The following FN1 variants were observed in gnomAD, a reference collection of about 807,000 sequenced individuals.
The protein encoded by FN1 is fibronectin 1.
A neutral mutation model predicts 297.3 loss-of-function variants in FN1; 106 were observed. That is an observed-to-expected ratio of 0.36 (90% confidence interval 0.30 to 0.42). FN1 has a LOEUF of 0.42. FN1 is among the 10% of genes least tolerant of loss of function. The probability of loss-of-function intolerance (pLI) is 1.00; values close to 1 mark genes in which losing one functional copy is unlikely to be tolerated. For synonymous variants in FN1, 1,149 were observed against 1,152.6 expected, an observed-to-expected ratio of 1.00 and a Z score of 0.06; for missense variants, 2,690 against 3,124.9, an observed-to-expected ratio of 0.86 and a Z score of 3.32.
At position 215,425,240 on chromosome 2, in the gene FN1, T is replaced by A. The variant is rs778467214; in HGVS notation, c.890A>T (p.Gln297Leu). The A allele has an allele frequency of 2.5e-6, 4 of 1,614,154 alleles. No individual in the cohort carries two copies. The highest frequency in any genetic ancestry group is 2.5e-6 in the Non-Finnish European group (3 of 1,180,026). The change falls in exon 7 of 46, where the codon CAG becomes CTG. Residue 297 changes from glutamine to leucine, a missense_variant. Transcript: ENST00000354785. ...TDVRAAVYQP[Q>L]PHPQPPPYGH... ...ATAGGGAGGAGGCTGGGGGTGAGGC[T>A]GCGGTTGGTAAACAGCTGCACGAAC... is the stretch of plus-strand genomic sequence containing the variant.
intron 20 of FN1, among the ~76,000 whole-genome samples, chr2:215,402,448 C>T (rs2061276243): frequency 6.6e-6 from 1 of 152,186 alleles, no homozygotes; most frequent in South Asian, 2.1e-4. Flanking sequence ...CCTAACTTTT[C>T]TCACATTTGC....
At position 215,407,114 on chromosome 2, in the gene FN1, T is replaced by C. The variant is rs2061875986; in HGVS notation, c.2713+13A>G. 1.9e-6 allele frequency: 3 copies of C among 1,606,996 alleles called. No homozygotes were observed. The East Asian group carries it at 6.7e-5, about 36-fold the overall frequency. ...ATAAGATAACATAGGAAGTGTCTTC[T>C]TAAAAAAGTTACCTGAGCGTGGGGT... On this transcript the variant is annotated intron_variant, in intron 18 of 45. Transcript: ENST00000354785.
chr2:215,421,099 AC>A, intron 10 of FN1: 1 of 366,994 alleles, frequency 2.7e-6, no homozygotes, highest in East Asian at 6.6e-5. Context: ...TTGAACAAAT[AC>A]ATGTCTTACT....
intron 12 of FN1, among the ~76,000 whole-genome samples, chr2:215,415,640 T>TC (rs1273683986): frequency 2.0e-5 from 3 of 152,150 alleles, no homozygotes; most frequent in African/African-American, 7.2e-5. Flanking sequence ...TTATTTTTTT[T>TC]CCAAAATCAG....
At chr2:215,421,234 A>AG (rs2064293037) in intron 10 of FN1, 1 of 242,184 alleles carries the variant, frequency 4.1e-6, no homozygotes, top group Admixed American at 5.2e-5. Context: ...TCTCTGGAAT[A>AG]GGGGGAAGGG....
Position 215,372,175 on chromosome 2 carries a change from G to T in FN1, c.6448C>A (p.Arg2150=). 6.2e-7 allele frequency: 1 copy of T among 1,614,192 alleles called. No homozygotes were observed. The highest frequency in any genetic ancestry group is 8.5e-7 in the Non-Finnish European group (1 of 1,180,032). ...QMIFEEHGFR[R]TTPPTTATPI... is the part of the protein sequence containing the mutation. ...GTGGCCGTTGTGGGCGGTGTGGTCC[G>T]CCTAAAACCATGTTCCTCAAAGATC... is the stretch of plus-strand genomic sequence containing the variant. The change falls in exon 40 of 46, where the codon CGG becomes AGG. Residue 2150 remains arginine (R), a synonymous_variant. Transcript: ENST00000354785.
At chr2:215,434,647 C>G in intron 2 of FN1, 49 bp downstream of exon 2, 1 of 1,608,388 alleles carries the variant, frequency 6.2e-7, no homozygotes. Context: ...TTAACAATTA[C>G]CACTTCATGT....
chr2:215,388,208 T>C lies in FN1; in HGVS notation c.4342+4A>G. ...TGGATAGTCATACTGCCAACACCACTCACCTGTTTTCTGTCTTCCTCTAAG... is the reference window on the plus strand; with the variant it reads ...TGGATAGTCATACTGCCAACACCACCCACCTGTTTTCTGTCTTCCTCTAAG... On this transcript the variant is annotated splice_donor_region_variant and intron_variant, in intron 27 of 45. Coordinates refer to ENST00000354785, the MANE Select transcript of FN1 (RefSeq NM_212482.4). The C allele has an allele frequency of 6.2e-7, 1 of 1,608,348 alleles. No homozygotes were observed. The highest frequency in any genetic ancestry group is 1.1e-5 in the South Asian group (1 of 90,956).
chr2:215,392,812 T>C (rs2059853858), intron 25 of FN1, 119 bp downstream of exon 25: 9 of 1,120,386 alleles, frequency 8.0e-6, no homozygotes, highest in Non-Finnish European at 1.2e-5. Flanking sequence ...CAATCCACCC[T>C]ATCTGAATCT....
At chr2:215,361,861 G>T (rs970681906) in intron 45 of FN1, 108 bp downstream of exon 45, 186 of 1,132,620 alleles carry the variant, frequency 1.6e-4, no homozygotes, top group Non-Finnish European at 1.9e-4. Flanking sequence ...TTTATGAGTT[G>T]TTTTTTTTTT....
chr2:215,378,195 C>A lies in FN1; in HGVS notation c.5690G>T (p.Gly1897Val), dbSNP rs140152934. Residue 1897 changes from glycine to valine, a missense_variant, in exon 35 of 46, where the codon GGA becomes GTA. Physicochemically the swap from Gly to Val is moderately radical, Grantham distance 109. Transcript: ENST00000354785. ...KDTLTSRPAQ[G>V]VVTTLENVSP... ...CTTACTCTCCAGAGTGGTGACAACT[C>A]CCTGAGCTGGTCTGCTTGTCAAAGT... 82 of 1,608,052 alleles carry A rather than the reference C, an allele frequency of 5.1e-5. No homozygotes were observed. The African/African-American group carries it at 9.9e-4, about 19-fold the overall frequency.
intron 41 of FN1, among the ~76,000 whole-genome samples, chr2:215,368,467 A>C (rs1037642246): frequency 3.3e-5 from 5 of 152,290 alleles, no homozygotes; most frequent in African/African-American, 9.6e-5. Context: ...AAAAATATCT[A>C]TACCTCCTGG....
intron 12 of FN1, 99 bp from the exon 13 acceptor site, chr2:215,415,057 G>A: frequency 1.2e-6 from 1 of 868,224 alleles, no homozygotes; most frequent in East Asian, 2.6e-5. Flanking sequence ...AGCTTTGCTT[G>A]TCGTTAAATG....
At chr2:215,398,894 C>T (rs925015381) in intron 21 of FN1, among the ~76,000 whole-genome samples, 1 of 152,188 alleles carries the variant, frequency 6.6e-6, no homozygotes, top group Non-Finnish European at 1.5e-5. Flanking sequence ...CCTAAACTGG[C>T]TTTTGTGAAC....
At chr2:215,411,371 A>C (rs1176199004) in intron 13 of FN1, among the ~76,000 whole-genome samples, 2 of 152,204 alleles carry the variant, frequency 1.3e-5, no homozygotes, top group African/African-American at 4.8e-5. Context: ...CAATAATTCA[A>C]ATACTCAAGT....
chr2:215,377,964 ATTTAT>A (rs1327273117), intron 35 of FN1, among the ~76,000 whole-genome samples: 1 of 151,958 alleles, frequency 6.6e-6, no homozygotes, highest in African/African-American at 2.4e-5. Flanking sequence ...CTAAAAAATT[ATTTAT>A]TTTATTTATT....
At position 215,407,212 on chromosome 2, in the gene FN1, A is replaced by G. The variant is rs369271225; in HGVS notation, c.2628T>C (p.Tyr876=). The change falls in exon 18 of 46, where the codon TAT becomes TAC. Residue 876 remains tyrosine, a synonymous_variant. Transcript: ENST00000354785. ...TLSDLQPGVQ[Y]NITIYAVEEN... is the part of the protein sequence containing the mutation. ...CTTCCACAGCATAGATAGTGATGTTATACTGAACACCAGGTTGCAAGTCAC... is the reference window on the plus strand; with the variant it reads ...CTTCCACAGCATAGATAGTGATGTTGTACTGAACACCAGGTTGCAAGTCAC... 22 of 1,614,034 alleles carry G rather than the reference A, an allele frequency of 1.4e-5. No homozygotes were observed. The highest frequency in any genetic ancestry group is 1.9e-5 in the Non-Finnish European group (22 of 1,179,872).
intron 42 of FN1, among the ~76,000 whole-genome samples, chr2:215,366,522 T>G (rs938401912): frequency 1.3e-5 from 2 of 152,218 alleles, no homozygotes; most frequent in African/African-American, 2.4e-5. Context: ...CAAATAAGTC[T>G]GGTTCTGTGG....
In FN1 at chr2:215,367,863, T is replaced by C. The variant is rs376751520; in HGVS notation, c.7018A>G (p.Arg2340Gly). The change falls in exon 42 of 46, where the codon AGA becomes GGA. Residue 2340 changes from arginine to glycine, a missense_variant and splice_region_variant. Physicochemically the swap from Arg to Gly is moderately radical, Grantham distance 125. Transcript: ENST00000354785. ...GTGGATGGACAAAGCAACTACTCAC[T>C]AGATGAATCACATCTGAAATGACCA... is the stretch of plus-strand genomic sequence containing the variant. ...GSGHFRCDSS[R>G]WCHDNGVNYK... 3 of 1,613,950 alleles carry C rather than the reference T, an allele frequency of 1.9e-6. No individual in the cohort carries two copies. The highest frequency in any genetic ancestry group is 2.5e-6 in the Non-Finnish European group (3 of 1,179,864).
Sources: gnomAD v4.1 joint callset for allele counts (sites outside exome capture counted in the v4.1 genomes callset) on GRCh38, gnomAD v4.1.1 for gene constraint, MANE v1.5 for transcripts, NCBI Gene and HGNC (gene_info 2026-07-23, HGNC 2026-07-21) for gene names.